OXSR1: variants seen among roughly 807,000 people sequenced by gnomAD.
OXSR1 encodes oxidative stress responsive kinase 1.
Under a neutral mutation model 79.8 loss-of-function variants are expected in OXSR1, and 24 were observed. That is an observed-to-expected ratio of 0.30 (90% CI 0.22 to 0.42). The LOEUF is 0.42. Ranked by LOEUF, OXSR1 falls within the 10% of genes least tolerant of loss-of-function variation. The pLI is 1.00. For synonymous variants in OXSR1, 226 were observed against 209.2 expected, an observed-to-expected ratio of 1.08 and a Z score of -0.69; for missense variants, 430 against 618.4, an observed-to-expected ratio of 0.70 and a Z score of 3.23.
chr3:38,223,968 G>A, intron 7 of OXSR1, 55 bp downstream of exon 7: 1 of 1,034,112 alleles, frequency 9.7e-7, no homozygotes, highest in Non-Finnish European at 1.4e-6. Context: ...CCTTTTCAGA[G>A]CCATTTGCCA....
At chr3:38,206,833 A>G (rs1387144985) in intron 4 of OXSR1, among the ~76,000 whole-genome samples, 1 of 152,252 alleles carries the variant, frequency 6.6e-6, no homozygotes, top group Non-Finnish European at 1.5e-5. Flanking sequence ...TTAGAAGCAG[A>G]CTGCCTAGAT....
At chr3:38,182,193 C>T (rs777329358) in intron 1 of OXSR1, among the ~76,000 whole-genome samples, 37 of 152,164 alleles carry the variant, frequency 2.4e-4, no homozygotes, top group Non-Finnish European at 4.1e-4. Flanking sequence ...TCTAGAACTC[C>T]CGTTCTATCT....
intron 3 of OXSR1, among the ~76,000 whole-genome samples, chr3:38,194,557 A>G (rs952618538): frequency 2.6e-5 from 4 of 152,174 alleles, no homozygotes; most frequent in African/African-American, 9.7e-5. Context: ...ATTAAAAATT[A>G]AAAAGAATAA....
At position 38,212,581 on chromosome 3, in the gene OXSR1, C is replaced by T. The variant is rs952134439; in HGVS notation, c.435-3515C>T. ...TTTTCTTGACCTTTTTCAAGTTTTC[C>T]ATAAATGGTGCCTATTGATGAGTAA... On this transcript the variant is annotated intron_variant, in intron 4 of 17. Transcript: ENST00000311806. Among the ~76,000 whole-genome samples, 14 of 152,236 alleles carry T rather than the reference C, an allele frequency of 9.2e-5. No individual in the cohort carries two copies. The South Asian group carries it at 2.9e-3, about 32-fold the overall frequency.
intron 8 of OXSR1, among the ~76,000 whole-genome samples, chr3:38,228,757 A>G (rs980782133): frequency 6.6e-6 from 1 of 152,154 alleles, no homozygotes; most frequent in Admixed American, 6.5e-5. Context: ...TTTTTTTAGC[A>G]GAGACTGGGT....
chr3:38,202,456 T>C (rs1450931401), intron 4 of OXSR1, among the ~76,000 whole-genome samples: 2 of 152,164 alleles, frequency 1.3e-5, no homozygotes, highest in African/African-American at 4.8e-5. Context: ...TGTAGCTCAC[T>C]TGCAGCTCAA....
intron 2 of OXSR1, among the ~76,000 whole-genome samples, chr3:38,186,302 A>G (rs924854698): frequency 2.0e-5 from 3 of 152,230 alleles, no homozygotes; most frequent in Non-Finnish European, 4.4e-5. Flanking sequence ...TAGTTTTATA[A>G]TACTTTTTAA....
At chr3:38,197,196 A>C (rs921145401) in intron 3 of OXSR1, among the ~76,000 whole-genome samples, 1 of 152,238 alleles carries the variant, frequency 6.6e-6, no homozygotes, top group Non-Finnish European at 1.5e-5. Context: ...GGAAAGAACC[A>C]GTGTAATAAT....
intron 2 of OXSR1, among the ~76,000 whole-genome samples, chr3:38,186,821 T>C (rs1036216553): frequency 2.6e-5 from 4 of 152,230 alleles, no homozygotes; most frequent in Non-Finnish European, 5.9e-5. Context: ...CTTGAGTATA[T>C]ACCTAAGAGT....
chr3:38,251,349 TAAC>T (rs1212513337), intron 15 of OXSR1, 51 bp from the exon 16 acceptor site: 1 of 1,437,386 alleles, frequency 7.0e-7, no homozygotes, highest in Non-Finnish European at 9.8e-7. Context: ...CTGTGAGAGT[TAAC>T]AGTGGCAAGC....
chr3:38,215,675 AC>A (rs1702468552), intron 4 of OXSR1, among the ~76,000 whole-genome samples: 4 of 152,204 alleles, frequency 2.6e-5, no homozygotes, highest in Admixed American at 2.6e-4. Context: ...AATAGTTAAA[AC>A]TATAGAGATG....
intron 1 of OXSR1, among the ~76,000 whole-genome samples, chr3:38,166,147 T>G (rs1183390762): frequency 4.5e-5 from 6 of 132,012 alleles, no homozygotes; most frequent in African/African-American, 5.8e-5. Context: ...GCCTGTGAGG[T>G]GGCGTGGGGT....
At chr3:38,237,263 A>T (rs1051261344) in intron 11 of OXSR1, among the ~76,000 whole-genome samples, 6 of 152,196 alleles carry the variant, frequency 3.9e-5, no homozygotes, top group Admixed American at 3.3e-4. Flanking sequence ...AAGAAAAGTT[A>T]GTGAACTTGA....
At chr3:38,171,666 CTT>C (rs34250513) in intron 1 of OXSR1, among the ~76,000 whole-genome samples, 1 of 140,130 alleles carries the variant, frequency 7.1e-6, no homozygotes. Flanking sequence ...ATTCAAAGGA[CTT>C]TTTTTTTTTT....
intron 1 of OXSR1, among the ~76,000 whole-genome samples, chr3:38,170,534 G>A (rs1701559528): frequency 6.6e-6 from 1 of 151,438 alleles, no homozygotes; most frequent in South Asian, 2.1e-4. Context: ...TTAAGCCTCT[G>A]ATACATACTG....
chr3:38,231,782 C>T (rs867318002), intron 10 of OXSR1, among the ~76,000 whole-genome samples: 5 of 152,120 alleles, frequency 3.3e-5, no homozygotes, highest in African/African-American at 4.8e-5. Context: ...ATCTGAGATA[C>T]GTGTTGATTT....
At chr3:38,242,878 G>A in intron 12 of OXSR1, 100 bp downstream of exon 12, 1 of 664,432 alleles carries the variant, frequency 1.5e-6, no homozygotes, top group Non-Finnish European at 2.7e-6. Flanking sequence ...TGCTTAAATG[G>A]GAATGCAACT....
At chr3:38,228,479 T>C (rs1702736837) in intron 8 of OXSR1, among the ~76,000 whole-genome samples, 1 of 152,226 alleles carries the variant, frequency 6.6e-6, no homozygotes, top group Admixed American at 6.5e-5. Flanking sequence ...TGAATGCCTA[T>C]TGGAATTACC....
At chr3:38,226,230 G>A (rs1178575056) in intron 8 of OXSR1, among the ~76,000 whole-genome samples, 1 of 151,930 alleles carries the variant, frequency 6.6e-6, no homozygotes, top group Non-Finnish European at 1.5e-5. Context: ...AACACACAGT[G>A]AAACAATGCA....
Sources: allele counts gnomAD v4.1 joint callset (sites outside exome capture counted in the v4.1 genomes callset), GRCh38; gene constraint gnomAD v4.1.1; transcripts MANE v1.5; gene names NCBI Gene and HGNC (gene_info 2026-07-23, HGNC 2026-07-21).